Variants in STOX1 observed in about 807,000 individuals in gnomAD.
STOX1 encodes storkhead-box protein 1.
Under a neutral mutation model 74.8 loss-of-function variants are expected in STOX1, and 57 were observed. The observed-to-expected ratio is 0.76, with a 90% CI of 0.62 to 0.95. The LOEUF (loss-of-function observed/expected upper bound fraction) is 0.95, where lower values mean the gene tolerates loss of function less well. Ranked by LOEUF, STOX1 falls within the 40% of genes least tolerant of loss-of-function variation. STOX1 has a pLI of 0.00. For missense variants in STOX1, 1,010 were observed against 1,117.0 expected, an observed-to-expected ratio of 0.90 and a Z score of 1.37; for synonymous variants, 375 against 401.3, an observed-to-expected ratio of 0.93 and a Z score of 0.78.
chr10:68,881,929 TC>T, intron 1 of STOX1, 28 bp from the exon 2 acceptor site: 1 of 1,613,160 alleles, frequency 6.2e-7, no homozygotes, highest in Non-Finnish European at 8.5e-7. Flanking sequence ...ATCAACCCCC[TC>T]CCCCTTTTTT....
At chr10:68,863,987 C>T (rs965431673) in intron 1 of STOX1, among the ~76,000 whole-genome samples, 7 of 150,032 alleles carry the variant, frequency 4.7e-5, no homozygotes, top group East Asian at 2.0e-4. Flanking sequence ...TGCAGTGGCG[C>T]GATCTCGGCT....
chr10:68,886,386 A>C lies in STOX1; in HGVS notation c.2590A>C (p.Ser864Arg). 6.2e-7 allele frequency: 1 copy of C among 1,614,244 alleles called. No individual in the cohort carries two copies. The highest frequency in any genetic ancestry group is 8.5e-7 in the Non-Finnish European group (1 of 1,180,040). Reference protein sequence around the residue: ...IFDYYSARKASFEAEVIQDTI... With the variant: ...IFDYYSARKARFEAEVIQDTI... ...TGATTACTATAGCGCAAGAAAAGCC[A>C]GTTTTGAAGCTGAAGTCATACAAGA... The change falls in exon 3 of 4, where the codon AGT becomes CGT. Residue 864 changes from serine to arginine, a missense_variant. Ser to Arg is a moderately radical substitution (Grantham distance 110). Coordinates refer to ENST00000298596, the MANE Select transcript of STOX1 (RefSeq NM_152709.5).
intron 1 of STOX1, among the ~76,000 whole-genome samples, chr10:68,877,742 C>G (rs141659245): frequency 0.013 from 2,007 of 152,280 alleles, 47 homozygotes; most frequent in African/African-American, 0.046. Context: ...AGTGTTCTCC[C>G]CCACCCCACC....
In STOX1 at chr10:68,885,479, A is replaced by G. The variant is rs774302049; in HGVS notation, c.1683A>G (p.Ala561=). ...AACAACCTAATGATAAAATGGAAGC[A>G]GAATCCATTTACATAAATGACCCTA... ...YAEQPNDKME[A]ESIYINDPTV... Residue 561 remains alanine, a synonymous_variant, in exon 3 of 4, where the codon GCA becomes GCG. Transcript: ENST00000298596. The G allele has an allele frequency of 5.6e-6, 9 of 1,614,132 alleles. No individual in the cohort carries two copies. In the Admixed American group the frequency reaches 1.5e-4, roughly 27 times the overall value.
intron 1 of STOX1, among the ~76,000 whole-genome samples, chr10:68,850,831 G>T (rs1294363725): frequency 6.6e-6 from 1 of 151,678 alleles, no homozygotes; most frequent in Non-Finnish European, 1.5e-5. Context: ...AATTAGCTGG[G>T]CATGGTGGCG....
At chr10:68,892,526 G>A in intron 3 of STOX1, 63 bp from the exon 4 acceptor site, 1 of 1,474,554 alleles carries the variant, frequency 6.8e-7, no homozygotes, top group Non-Finnish European at 9.5e-7. Context: ...GAAGTATAAT[G>A]CCTTGGTTAG....
At chr10:68,837,025 G>A (rs114938878) in intron 1 of STOX1, among the ~76,000 whole-genome samples, 106 of 152,330 alleles carry the variant, frequency 7.0e-4, no homozygotes, top group African/African-American at 2.4e-3. Context: ...GCTTGCAGTC[G>A]TTTGTTAGGT....
At chr10:68,873,900 C>T (rs1326124763) in intron 1 of STOX1, among the ~76,000 whole-genome samples, 5 of 151,196 alleles carry the variant, frequency 3.3e-5, no homozygotes, top group Non-Finnish European at 5.9e-5. Flanking sequence ...CCACCCGCCT[C>T]GGCCTCTCAA....
chr10:68,865,228 A>G (rs1204646912), intron 1 of STOX1, among the ~76,000 whole-genome samples: 1 of 152,256 alleles, frequency 6.6e-6, no homozygotes, highest in East Asian at 1.9e-4. Context: ...TTGTGGCAAC[A>G]CTTTCCAATG....
chr10:68,878,775 A>G (rs2131987657), intron 1 of STOX1, among the ~76,000 whole-genome samples: 1 of 152,332 alleles, frequency 6.6e-6, no homozygotes, highest in South Asian at 2.1e-4. Flanking sequence ...TGGCCCCTCA[A>G]CAACCAGTAC....
rs1441700102 is a variant in STOX1 at position 68,829,333 on chromosome 10, C to A, written c.310+1400C>A. Among the ~76,000 whole-genome samples, 3 of 152,066 alleles carry A rather than the reference C, an allele frequency of 2.0e-5. 1 individual carries two copies. Among genetic ancestry groups the A allele is most frequent in the East Asian group, 3.9e-4 (2 of 5,184 alleles). Reference sequence around the variant, plus strand: ...GAGTTCAAGACCAGTCTGGCTAATACGGTGAAACCCCGCTTCTACTAAAAA... The same window carrying A: ...GAGTTCAAGACCAGTCTGGCTAATAAGGTGAAACCCCGCTTCTACTAAAAA... On this transcript the variant is annotated intron_variant, in intron 1 of 3. Coordinates refer to ENST00000298596, the MANE Select transcript of STOX1 (RefSeq NM_152709.5).
At chr10:68,855,647 ATT>A (rs1458443643) in intron 1 of STOX1, among the ~76,000 whole-genome samples, 1 of 151,008 alleles carries the variant, frequency 6.6e-6, no homozygotes, top group Non-Finnish European at 1.5e-5. Flanking sequence ...ATCTCATTAT[ATT>A]ACCCAGGCTG....
At chr10:68,832,828 A>G (rs1001938082) in intron 1 of STOX1, among the ~76,000 whole-genome samples, 2 of 152,040 alleles carry the variant, frequency 1.3e-5, no homozygotes, top group Non-Finnish European at 2.9e-5. Flanking sequence ...TAGTGGTACA[A>G]TCATGGGTCA....
chr10:68,864,490 G>A (rs1243321998), intron 1 of STOX1, among the ~76,000 whole-genome samples: 2 of 152,164 alleles, frequency 1.3e-5, no homozygotes, highest in African/African-American at 4.8e-5. Flanking sequence ...CTGTATTTCT[G>A]CCTTCGTGAG....
Position 68,832,608 on chromosome 10 carries a change from G to C in STOX1, c.310+4675G>C, listed in dbSNP as rs189903300. 4.8e-3 allele frequency among the ~76,000 whole-genome samples: 728 copies of C among 151,676 alleles called. 3 individuals carry two copies. Among genetic ancestry groups the C allele is most frequent in the South Asian group, 7.5e-3 (36 of 4,810 alleles). On this transcript the variant is annotated intron_variant, in intron 1 of 3. Transcript: ENST00000298596. ...GAACCCGGGAGGCAGAGGTTGCAGT[G>C]AGTGGAGATTGTGCCACTGCATTCC...
In STOX1 at chr10:68,884,528, C is replaced by T; in HGVS notation, c.732C>T (p.Cys244=). 6.2e-7 allele frequency: 1 copy of T among 1,613,794 alleles called. No homozygotes were observed. The highest frequency in any genetic ancestry group is 1.7e-5 in the Admixed American group (1 of 60,022). Residue 244 remains cysteine, a synonymous_variant, in exon 3 of 4, where the codon TGC becomes TGT. Transcript: ENST00000298596. Reference sequence around the variant, plus strand: ...CCCCCATATCCCACTGTCAGTCTTGCCAGTGTTTCCGGGACATGCACACTC... The same window carrying T: ...CCCCCATATCCCACTGTCAGTCTTGTCAGTGTTTCCGGGACATGCACACTC... The part of the protein sequence containing the change: ...NAAPISHCQS[C]QCFRDMHTQD...
intron 1 of STOX1, among the ~76,000 whole-genome samples, chr10:68,840,191 G>A (rs1232257769): frequency 6.6e-6 from 1 of 152,046 alleles, no homozygotes; most frequent in East Asian, 1.9e-4. Flanking sequence ...AACTCAAAAC[G>A]AGTTAAATCT....
chr10:68,861,113 G>A (rs1840256294), intron 1 of STOX1, among the ~76,000 whole-genome samples: 1 of 152,020 alleles, frequency 6.6e-6, no homozygotes, highest in Non-Finnish European at 1.5e-5. Flanking sequence ...GCTCAGTCAT[G>A]GAGACCCCAA....
intron 1 of STOX1, among the ~76,000 whole-genome samples, chr10:68,850,921 G>A (rs949033383): frequency 3.4e-4 from 52 of 151,950 alleles, no homozygotes; most frequent in Non-Finnish European, 5.0e-4. Flanking sequence ...GCAGTGAGCC[G>A]AGATCGAGCC....
Sources: allele counts gnomAD v4.1 joint callset (sites outside exome capture counted in the v4.1 genomes callset), GRCh38; gene constraint gnomAD v4.1.1; transcripts MANE v1.5; gene names NCBI Gene and HGNC (gene_info 2026-07-23, HGNC 2026-07-21).